CTNNA3: variants seen among roughly 807,000 people sequenced by gnomAD.
CTNNA3 encodes the protein catenin alpha 3.
A neutral mutation model predicts 95.7 loss-of-function variants in CTNNA3; 76 were observed. The observed-to-expected ratio is 0.79, with a 90% confidence interval of 0.66 to 0.96. The LOEUF is 0.96. Ranked by LOEUF, CTNNA3 falls within the 40% of genes least tolerant of loss-of-function variation. The pLI is 0.00. For missense variants in CTNNA3, 1,191 were observed against 1,089.8 expected (o/e 1.09, Z -1.31); for synonymous variants, 431 against 374.4 (o/e 1.15, Z -1.74).
At chr10:67,173,624 T>C (rs1413838034) in intron 7 of CTNNA3, among the ~76,000 whole-genome samples, 1 of 152,200 alleles carries the variant, frequency 6.6e-6, no homozygotes, top group Non-Finnish European at 1.5e-5. Flanking sequence ...AGCTCCCACC[T>C]AGGAACTCTA....
At chr10:67,198,355 G>C (rs10823003) in intron 6 of CTNNA3, among the ~76,000 whole-genome samples, 55,375 of 151,952 alleles carry the variant, frequency 0.36, 14,395 homozygotes, top group African/African-American at 0.74. Context: ...CAGTCACGAA[G>C]GTCTTACTTT....
intron 11 of CTNNA3, among the ~76,000 whole-genome samples, chr10:66,479,491 G>A (rs1839439493): frequency 6.6e-6 from 1 of 151,822 alleles, no homozygotes; most frequent in African/African-American, 2.4e-5. Context: ...CAAATTTTTG[G>A]AAATGTGACA....
chr10:66,711,056 G>C (rs1589155022), intron 9 of CTNNA3, among the ~76,000 whole-genome samples: 1 of 152,058 alleles, frequency 6.6e-6, no homozygotes, highest in South Asian at 2.1e-4. Context: ...TTCAGAGTTA[G>C]CCACCTGAGG....
chr10:66,190,095 A>T (rs1332395582), intron 13 of CTNNA3, among the ~76,000 whole-genome samples: 2 of 152,186 alleles, frequency 1.3e-5, no homozygotes, highest in African/African-American at 4.8e-5. Context: ...CAGTTAAGAT[A>T]AATTTAAAAA....
At position 65,922,714 on chromosome 10, in the gene CTNNA3, T is replaced by G. The variant is rs565221652; in HGVS notation, c.2401-2097A>C. 2.0e-5 allele frequency among the ~76,000 whole-genome samples: 3 copies of G among 152,338 alleles called. No homozygotes were observed. The South Asian group carries it at 6.2e-4, about 32-fold the overall frequency. ...TTGGTTTTGCAAAAATAACAGGATT[T>G]GATCCTAGGACTCCAGAGTTTCTTC... On this transcript the variant is annotated intron_variant, in intron 17 of 17. Transcript: ENST00000433211.
intron 11 of CTNNA3, among the ~76,000 whole-genome samples, chr10:66,428,209 T>G (rs1349735194): frequency 6.6e-6 from 1 of 152,190 alleles, no homozygotes; most frequent in Admixed American, 6.5e-5. Flanking sequence ...CTAACTATCC[T>G]AAATATATAT....
chr10:66,024,953 C>T (rs1233790275), intron 15 of CTNNA3, among the ~76,000 whole-genome samples: 1 of 152,160 alleles, frequency 6.6e-6, no homozygotes, highest in Non-Finnish European at 1.5e-5. Flanking sequence ...AGCCATAGTA[C>T]ATGAAAACAT....
At chr10:66,619,270 A>C (rs1844650982) in intron 10 of CTNNA3, among the ~76,000 whole-genome samples, 1 of 151,590 alleles carries the variant, frequency 6.6e-6, no homozygotes, top group Non-Finnish European at 1.5e-5. Flanking sequence ...ACGTATGTTT[A>C]TTGCAGCACT....
intron 9 of CTNNA3, among the ~76,000 whole-genome samples, chr10:66,629,065 C>T (rs1164191950): frequency 1.3e-5 from 2 of 151,868 alleles, no homozygotes; most frequent in Non-Finnish European, 2.9e-5. Flanking sequence ...AGAAAGGTTG[C>T]CCACAATACT....
intron 5 of CTNNA3, among the ~76,000 whole-genome samples, chr10:67,353,163 G>T (rs903983233): frequency 3.9e-5 from 6 of 151,990 alleles, no homozygotes; most frequent in African/African-American, 1.2e-4. Context: ...TCCACAAAAT[G>T]TAGATGATAG....
At chr10:66,522,854 G>A (rs114693327) in intron 10 of CTNNA3, among the ~76,000 whole-genome samples, 2,268 of 151,822 alleles carry the variant, frequency 0.015, 46 homozygotes, top group African/African-American at 0.052. Flanking sequence ...CACATTTTCA[G>A]TAAAGGTTTT....
intron 5 of CTNNA3, among the ~76,000 whole-genome samples, chr10:67,348,081 G>A (rs542007462): frequency 6.6e-6 from 1 of 152,178 alleles, no homozygotes; most frequent in South Asian, 2.1e-4. Flanking sequence ...TCAACAAATG[G>A]TGTAAAAACT....
chr10:66,863,192 C>T (rs1844015829), intron 7 of CTNNA3, among the ~76,000 whole-genome samples: 1 of 151,374 alleles, frequency 6.6e-6, no homozygotes, highest in Non-Finnish European at 1.5e-5. Flanking sequence ...CACACACACA[C>T]ACACACACAC....
intron 15 of CTNNA3, among the ~76,000 whole-genome samples, chr10:66,044,925 G>A (rs1399905919): frequency 6.6e-6 from 1 of 152,174 alleles, no homozygotes; most frequent in East Asian, 1.9e-4. Flanking sequence ...TTGGAATTGA[G>A]AAAGAGTAAT....
At chr10:67,558,287 T>A (rs891505519) in intron 3 of CTNNA3, among the ~76,000 whole-genome samples, 2 of 152,334 alleles carry the variant, frequency 1.3e-5, no homozygotes, top group South Asian at 4.1e-4. Flanking sequence ...GTCAAGTGAA[T>A]CTTACCTTAT....
At chr10:67,485,360 G>A (rs992287939) in intron 5 of CTNNA3, among the ~76,000 whole-genome samples, 3 of 152,150 alleles carry the variant, frequency 2.0e-5, no homozygotes, top group Admixed American at 2.0e-4. Context: ...AGGAAGAAGA[G>A]GAGTAATAGC....
At chr10:67,002,328 C>T (rs1589581413) in intron 7 of CTNNA3, among the ~76,000 whole-genome samples, 1 of 152,148 alleles carries the variant, frequency 6.6e-6, no homozygotes, top group South Asian at 2.1e-4. Context: ...ACTACTAATT[C>T]TCAGAGCAGT....
At chr10:66,531,719 T>C (rs533540350) in intron 10 of CTNNA3, among the ~76,000 whole-genome samples, 3 of 150,476 alleles carry the variant, frequency 2.0e-5, no homozygotes, top group African/African-American at 4.9e-5. Flanking sequence ...TAAGAAAAAT[T>C]GAATCTACAC....
intron 11 of CTNNA3, among the ~76,000 whole-genome samples, chr10:66,466,912 T>C (rs1838940025): frequency 6.6e-6 from 1 of 152,114 alleles, no homozygotes; most frequent in Non-Finnish European, 1.5e-5. Context: ...CTTCATGGCA[T>C]TCATTACTAA....
Sources: allele counts gnomAD v4.1 joint callset (sites outside exome capture counted in the v4.1 genomes callset), GRCh38; gene constraint gnomAD v4.1.1; transcripts MANE v1.5; gene names NCBI Gene and HGNC (gene_info 2026-07-23, HGNC 2026-07-21).